SCN8A: variants seen among roughly 807,000 people sequenced by gnomAD.
The protein encoded by SCN8A is sodium voltage-gated channel alpha subunit 8, also known as sodium channel protein type 8 subunit alpha.
SCN8A carries 30 observed loss-of-function variants against 184.1 expected under a neutral mutation model. The ratio of observed to expected loss-of-function variants is 0.16; its 90% CI spans 0.12 to 0.22. SCN8A has a LOEUF of 0.22. SCN8A is among the 10% of genes least tolerant of loss of function. The probability of loss-of-function intolerance (pLI) is 1.00; values close to 1 mark genes in which losing one functional copy is unlikely to be tolerated. For synonymous variants in SCN8A, 852 were observed against 907.0 expected, an observed-to-expected ratio of 0.94 and a Z score of 1.09; for missense variants, 1,057 against 2,498.9, an observed-to-expected ratio of 0.42 and a Z score of 12.30.
intron 1 of SCN8A, among the ~76,000 whole-genome samples, chr12:51,619,148 TTA>T (rs1368471864): frequency 1.3e-5 from 2 of 152,190 alleles, no homozygotes; most frequent in African/African-American, 4.8e-5. Context: ...GTACACACTA[TTA>T]TATACCTTAC....
chr12:51,638,691 C>T (rs1474640453), intron 1 of SCN8A, among the ~76,000 whole-genome samples: 15 of 151,834 alleles, frequency 9.9e-5, no homozygotes, highest in Non-Finnish European at 1.5e-4. Context: ...TTCACCATGT[C>T]GGCCAGGATG....
intron 12 of SCN8A, among the ~76,000 whole-genome samples, chr12:51,723,527 A>G (rs951845845): frequency 2.0e-5 from 3 of 152,188 alleles, no homozygotes; most frequent in African/African-American, 7.2e-5. Context: ...TTATGTTTGT[A>G]TAGCTTTTTA....
chr12:51,784,251 T>C (rs1333061952), intron 21 of SCN8A, among the ~76,000 whole-genome samples: 1 of 152,176 alleles, frequency 6.6e-6, no homozygotes, highest in Non-Finnish European at 1.5e-5. Flanking sequence ...GAAGAATTAT[T>C]AGTACGTTTA....
At chr12:51,615,120 T>C (rs1388014847) in intron 1 of SCN8A, among the ~76,000 whole-genome samples, 2 of 137,546 alleles carry the variant, frequency 1.5e-5, no homozygotes, top group Non-Finnish European at 3.2e-5. Context: ...TTCCTTCTTT[T>C]GGATTATTTT....
chr12:51,795,313 G>T (rs771314627), intron 26 of SCN8A, among the ~76,000 whole-genome samples: 1 of 152,184 alleles, frequency 6.6e-6, no homozygotes. Flanking sequence ...CTAAAAGTGT[G>T]GGGGGATGAT....
At position 51,807,558 on chromosome 12, in the gene SCN8A, G is replaced by C. The variant is rs912873848; in HGVS notation, c.*129G>C. 1 of 1,020,720 alleles carries C rather than the reference G, an allele frequency of 9.8e-7. No homozygotes were observed. Among genetic ancestry groups the C allele is most frequent in the Non-Finnish European group, 1.5e-6 (1 of 681,406 alleles). The allele number at this position is 1,020,720 out of a possible 1,614,324, so 63.2% of individuals were successfully genotyped here. On this transcript the variant is annotated 3_prime_UTR_variant, in exon 27 of 27. Coordinates refer to ENST00000627620, the MANE Select transcript of SCN8A (RefSeq NM_001330260.2). The surrounding 1 kb of genome is among the most constrained non-coding windows in gnomAD (Gnocchi z 4.5). ...AACCTGAAGATCTATACCAAACGTC[G>C]TCTGCTTACCACGTAACACAGCTGC...
intron 1 of SCN8A, among the ~76,000 whole-genome samples, chr12:51,660,020 A>G (rs773677832): frequency 6.6e-6 from 1 of 152,200 alleles, no homozygotes; most frequent in African/African-American, 2.4e-5. Flanking sequence ...ACCAATGTAC[A>G]AATTATTTTG....
In SCN8A at chr12:51,802,304, A is replaced by T. The variant is rs571501264; in HGVS notation, c.4796-3978A>T. Among the ~76,000 whole-genome samples, 33 of 152,272 alleles carry T rather than the reference A, an allele frequency of 2.2e-4. No individual in the cohort carries two copies. The South Asian group carries it at 6.6e-3, about 31-fold the overall frequency. Reference sequence around the variant, plus strand: ...GGCTGGTGGCAGCCTGGGTGGGGGAAGGGATATTGCCACCACTGGGGGTGA... The same window carrying T: ...GGCTGGTGGCAGCCTGGGTGGGGGATGGGATATTGCCACCACTGGGGGTGA... On this transcript the variant is annotated intron_variant, in intron 26 of 26. Transcript: ENST00000627620.
intron 1 of SCN8A, among the ~76,000 whole-genome samples, chr12:51,636,876 A>T (rs187895514): frequency 1.6e-4 from 25 of 152,362 alleles, no homozygotes; most frequent in African/African-American, 6.0e-4. Flanking sequence ...CGATACAGGC[A>T]TACCTCATTT....
chr12:51,681,925 C>T (rs1941341082), intron 2 of SCN8A, among the ~76,000 whole-genome samples: 1 of 151,536 alleles, frequency 6.6e-6, no homozygotes, highest in Non-Finnish European at 1.5e-5. Flanking sequence ...CTCAAAGAAC[C>T]AAAAGCCTAA....
intron 1 of SCN8A, among the ~76,000 whole-genome samples, chr12:51,626,215 C>T (rs1368207630): frequency 6.6e-6 from 1 of 151,966 alleles, no homozygotes; most frequent in Non-Finnish European, 1.5e-5. Flanking sequence ...GGTACCTGGT[C>T]CTGGGTTGAT....
chr12:51,615,238 T>C (rs1468803183), intron 1 of SCN8A, among the ~76,000 whole-genome samples: 1 of 152,196 alleles, frequency 6.6e-6, no homozygotes, highest in South Asian at 2.1e-4. Flanking sequence ...AATTAATATA[T>C]TACCACTTTA....
intron 14 of SCN8A, among the ~76,000 whole-genome samples, chr12:51,757,583 T>C (rs901985530): frequency 1.3e-5 from 2 of 152,206 alleles, no homozygotes; most frequent in African/African-American, 4.8e-5. Context: ...TATATAGGCC[T>C]TACTTGTTGA....
chr12:51,712,699 A>C, intron 11 of SCN8A: 1 of 916,642 alleles, frequency 1.1e-6, no homozygotes, highest in Non-Finnish European at 1.8e-6. Flanking sequence ...TACCATATCC[A>C]CCACACCACC....
intron 12 of SCN8A, among the ~76,000 whole-genome samples, chr12:51,731,449 C>T (rs1229504884): frequency 2.0e-5 from 3 of 152,158 alleles, no homozygotes; most frequent in Non-Finnish European, 4.4e-5. Context: ...CGGGGTTTTA[C>T]CATATTGGCC....
intron 6 of SCN8A, among the ~76,000 whole-genome samples, chr12:51,690,574 C>T (rs922592162): frequency 6.6e-6 from 1 of 152,158 alleles, no homozygotes; most frequent in Non-Finnish European, 1.5e-5. Context: ...GTTGCCCAGG[C>T]TGGCTGCCAA....
At chr12:51,637,885 C>G (rs1592345513) in intron 1 of SCN8A, among the ~76,000 whole-genome samples, 2 of 152,238 alleles carry the variant, frequency 1.3e-5, no homozygotes, top group East Asian at 3.9e-4. Context: ...ACTTTCATAG[C>G]TAGAGAGGAG....
At chr12:51,672,335 G>T (rs2138687329) in intron 2 of SCN8A, among the ~76,000 whole-genome samples, 1 of 152,234 alleles carries the variant, frequency 6.6e-6, no homozygotes, top group South Asian at 2.1e-4. Context: ...AAATGGCCAA[G>T]TCTAAGATTT....
rs1938698022 is a variant in SCN8A at position 51,806,208 on chromosome 12, T to G, written c.4796-74T>G. On this transcript the variant is annotated intron_variant, in intron 26 of 26. Transcript: ENST00000627620. The surrounding 1 kb of genome is among the most constrained non-coding windows in gnomAD (Gnocchi z 8.7). The stretch of plus-strand genomic sequence containing the variant: ...CCCTTTGAACCTAAGGGTTCCACAA[T>G]GCCAGGTAAAAAAAATAAAGAGAAA... 3 of 1,370,564 alleles carry G rather than the reference T, an allele frequency of 2.2e-6. No homozygotes were observed. In the Admixed American group the frequency reaches 7.2e-5, roughly 33 times the overall value. The allele number at this position is 1,370,564 out of a possible 1,614,324, so 84.9% of individuals were successfully genotyped here.
Sources: allele counts gnomAD v4.1 joint callset (sites outside exome capture counted in the v4.1 genomes callset), GRCh38; gene constraint gnomAD v4.1.1; non-coding constraint Gnocchi (gnomAD v3.1); transcripts MANE v1.5; gene names NCBI Gene and HGNC (gene_info 2026-07-23, HGNC 2026-07-21).